The following TAF1B variants were observed in gnomAD, a reference collection of about 807,000 sequenced individuals.
TAF1B encodes the protein TATA box-binding protein-associated factor RNA polymerase I subunit B.
TAF1B carries 61 observed loss-of-function variants against 83.9 expected under a neutral mutation model. The observed-to-expected ratio is 0.73, with a 90% CI of 0.59 to 0.90. The LOEUF (loss-of-function observed/expected upper bound fraction) is 0.90, where lower values mean the gene tolerates loss of function less well. Ranked by LOEUF, TAF1B falls within the 40% of genes least tolerant of loss-of-function variation. The pLI is 0.00. For missense variants in TAF1B, 625 were observed against 677.0 expected (o/e 0.92, Z 0.85); for synonymous variants, 221 against 224.6 (o/e 0.98, Z 0.14).
chr2:9,926,821 A>AAG (rs386389506), intron 14 of TAF1B, among the ~76,000 whole-genome samples: 21 of 151,510 alleles, frequency 1.4e-4, no homozygotes, highest in South Asian at 6.3e-4. Context: ...AAAAAAAAAA[A>AAG]AGAGAGATTG....
rs190179649 is a variant in TAF1B, at chr2:9,889,466, C to T, written c.807+6661C>T. 3.9e-5 allele frequency among the ~76,000 whole-genome samples: 6 copies of T among 151,954 alleles called. No individual in the cohort carries two copies. The East Asian group carries it at 1.2e-3, about 29-fold the overall frequency. Reference sequence around the variant, plus strand: ...TTTTAGTCTTATTTCTTCTCTTTCTCTTCTCATTATGTTCTTGTTTTCTTT... The same window carrying T: ...TTTTAGTCTTATTTCTTCTCTTTCTTTTCTCATTATGTTCTTGTTTTCTTT... On this transcript the variant is annotated intron_variant, in intron 8 of 14. Coordinates refer to ENST00000263663, the MANE Select transcript of TAF1B (RefSeq NM_005680.3).
At chr2:9,913,036 CATCTTG>C (rs1665578961) in intron 11 of TAF1B, 117 bp from the exon 12 acceptor site, 3 of 712,996 alleles carry the variant, frequency 4.2e-6, no homozygotes, top group Admixed American at 5.7e-5. Context: ...CTAATGTCTA[CATCTTG>C]ATCACACACT....
Position 9,851,028 on chromosome 2 carries a change from G to A in TAF1B, c.206-513G>A, listed in dbSNP as rs544299584. Among the ~76,000 whole-genome samples the A allele has an allele frequency of 4.6e-5, 7 of 152,238 alleles. No homozygotes were observed. In the South Asian group the frequency reaches 1.5e-3, roughly 32 times the overall value. ...TTCTATACTCCGGTATCATGAGATC[G>A]TGACATTCGTTCACTCATTCACTAA... is the stretch of plus-strand genomic sequence containing the variant. On this transcript the variant is annotated intron_variant, in intron 3 of 14. Coordinates refer to ENST00000263663, the MANE Select transcript of TAF1B (RefSeq NM_005680.3).
rs555226293 is a variant in TAF1B, at chr2:9,891,683, A to G, written c.807+8878A>G. 2.7e-4 allele frequency among the ~76,000 whole-genome samples: 41 copies of G among 152,308 alleles called. 1 individual carries two copies. Among genetic ancestry groups the G allele is most frequent in the African/African-American group, 9.9e-4 (41 of 41,570 alleles). On this transcript the variant is annotated intron_variant, in intron 8 of 14. Coordinates refer to ENST00000263663, the MANE Select transcript of TAF1B (RefSeq NM_005680.3). ...CAGCTCCATGCATGTTATTGCCCCT[A>G]ACCCCATATAGGCCTGGGCTAAATG...
At position 9,882,949 on chromosome 2, in the gene TAF1B, A is replaced by G. The variant is rs1664559270; in HGVS notation, c.807+144A>G. 3 of 557,346 alleles carry G rather than the reference A, an allele frequency of 5.4e-6. No individual in the cohort carries two copies. The Admixed American group carries it at 1.1e-4, about 20-fold the overall frequency. The allele number at this position is 557,346 out of a possible 1,614,324, so 34.5% of individuals were successfully genotyped here. On this transcript the variant is annotated intron_variant, in intron 8 of 14. Coordinates refer to ENST00000263663, the MANE Select transcript of TAF1B (RefSeq NM_005680.3). Reference sequence around the variant, plus strand: ...TCAGTCATAATTTAACGAAGAGTAGAATTTTATTATTTTTTATTTTCCTTA... The same window carrying G: ...TCAGTCATAATTTAACGAAGAGTAGGATTTTATTATTTTTTATTTTCCTTA...
At chr2:9,924,919 T>C (rs1031787493) in intron 14 of TAF1B, among the ~76,000 whole-genome samples, 1 of 152,144 alleles carries the variant, frequency 6.6e-6, no homozygotes, top group South Asian at 2.1e-4. Context: ...TTTCAATGAA[T>C]TGAAATGCCC....
chr2:9,887,469 T>G (rs1431682801), intron 8 of TAF1B, among the ~76,000 whole-genome samples: 1 of 152,204 alleles, frequency 6.6e-6, no homozygotes, highest in Non-Finnish European at 1.5e-5. Flanking sequence ...CTTGATAAAT[T>G]GACTCCTTTA....
At chr2:9,870,419 C>G (rs1664130537) in intron 6 of TAF1B, among the ~76,000 whole-genome samples, 1 of 152,054 alleles carries the variant, frequency 6.6e-6, no homozygotes, top group Non-Finnish European at 1.5e-5. Context: ...GCCAGGAGGT[C>G]GAGGCTGTAG....
intron 12 of TAF1B, among the ~76,000 whole-genome samples, chr2:9,918,168 TAAG>T (rs1665745702): frequency 6.6e-6 from 1 of 152,236 alleles, no homozygotes; most frequent in Non-Finnish European, 1.5e-5. Context: ...GGCCTGGGAT[TAAG>T]AAGAAGGTGG....
chr2:9,934,077 TGC>T lies in TAF1B; in HGVS notation c.*94_*95del. 1.0e-6 allele frequency: 1 copy of T among 981,912 alleles called. No individual in the cohort carries two copies. Among genetic ancestry groups the T allele is most frequent in the Non-Finnish European group, 1.5e-6 (1 of 671,378 alleles). The allele number at this position is 981,912 out of a possible 1,614,324, so 60.8% of individuals were successfully genotyped here. On this transcript the variant is annotated 3_prime_UTR_variant, in exon 15 of 15. Coordinates refer to ENST00000263663, the MANE Select transcript of TAF1B (RefSeq NM_005680.3). ...CATTCCAGAGAATTGTGGAAAATAC[TGC>T]ATATATATGTATAGACTCTGACACA...
chr2:9,917,202 TC>T (rs1158554757), intron 12 of TAF1B, among the ~76,000 whole-genome samples: 2 of 152,174 alleles, frequency 1.3e-5, no homozygotes, highest in Admixed American at 1.3e-4. Context: ...AAAGTCAACA[TC>T]TGTTTTATGT....
intron 1 of TAF1B, chr2:9,844,263 C>T (rs1265331480): frequency 6.6e-6 from 1 of 152,132 alleles, no homozygotes; most frequent in Non-Finnish European, 1.5e-5. Flanking sequence ...GATCCTTCCG[C>T]CTCAGCCTTC....
intron 4 of TAF1B, among the ~76,000 whole-genome samples, chr2:9,852,888 A>G (rs1453104130): frequency 2.0e-5 from 3 of 152,220 alleles, no homozygotes; most frequent in Non-Finnish European, 4.4e-5. Context: ...TTGCTGTTCA[A>G]ACTGGTGGTT....
At chr2:9,846,362 A>G (rs1409890143) in intron 2 of TAF1B, among the ~76,000 whole-genome samples, 1 of 152,234 alleles carries the variant, frequency 6.6e-6, no homozygotes, top group Non-Finnish European at 1.5e-5. Flanking sequence ...TCAAGGGTGT[A>G]GAGAGTCTGC....
chr2:9,910,797 T>G lies in TAF1B; in HGVS notation c.1017T>G (p.Phe339Leu). The change falls in exon 10 of 15, where the codon TTT becomes TTG. Residue 339 changes from phenylalanine (F) to leucine (L), a missense_variant. Transcript: ENST00000263663. ...VKMTGMGEVDFLTFDPIAKMA... is the reference protein window; with the variant it reads ...VKMTGMGEVDLLTFDPIAKMA... ...TGACTGGAATGGGAGAAGTGGATTT[T>G]CTGACATTTGATCCTATAGCTAAAA... The G allele has an allele frequency of 1.2e-6, 2 of 1,613,796 alleles. No homozygotes were observed. Among genetic ancestry groups the G allele is most frequent in the Non-Finnish European group, 1.7e-6 (2 of 1,179,780 alleles).
intron 8 of TAF1B, among the ~76,000 whole-genome samples, chr2:9,895,209 AT>A (rs1664981452): frequency 1.3e-5 from 2 of 152,220 alleles, no homozygotes; most frequent in African/African-American, 4.8e-5. Flanking sequence ...CACAAAAAAA[AT>A]TTTTTGTGGT....
At chr2:9,930,650 G>C (rs1243016273) in intron 14 of TAF1B, among the ~76,000 whole-genome samples, 2 of 151,880 alleles carry the variant, frequency 1.3e-5, no homozygotes, top group African/African-American at 4.8e-5. Flanking sequence ...TGTTGATTTG[G>C]GGTGGAGAGT....
Position 9,890,230 on chromosome 2 carries a change from T to G in TAF1B, c.807+7425T>G, listed in dbSNP as rs529020784. On this transcript the variant is annotated intron_variant, in intron 8 of 14. Coordinates refer to ENST00000263663, the MANE Select transcript of TAF1B (RefSeq NM_005680.3). ...CATTTGTTTCTCTTCTCTAAGGGAT[T>G]AGTGTCCATGCTGTCTGTTGTCCAA... 3.9e-5 allele frequency among the ~76,000 whole-genome samples: 6 copies of G among 152,360 alleles called. No individual in the cohort carries two copies. The South Asian group carries it at 1.2e-3, about 32-fold the overall frequency.
chr2:9,885,752 CA>C (rs1165837887), intron 8 of TAF1B, among the ~76,000 whole-genome samples: 15 of 139,070 alleles, frequency 1.1e-4, no homozygotes, highest in African/African-American at 3.2e-4. Flanking sequence ...CGCCCCCCCC[CA>C]CTTTGTCCTT....
Sources: allele counts gnomAD v4.1 joint callset (sites outside exome capture counted in the v4.1 genomes callset), GRCh38; gene constraint gnomAD v4.1.1; transcripts MANE v1.5; gene names NCBI Gene and HGNC (gene_info 2026-07-23, HGNC 2026-07-21).